TMPRSS15: variants seen among roughly 807,000 people sequenced by gnomAD.
TMPRSS15 encodes enteropeptidase.
In TMPRSS15, 128 loss-of-function variants were observed where a neutral mutation model predicts 125.3. That is an observed-to-expected ratio of 1.02 (90% CI 0.89 to 1.18). TMPRSS15 has a LOEUF of 1.18. TMPRSS15 is among the 50% of genes most tolerant of loss of function. The pLI, the probability that TMPRSS15 is intolerant of heterozygous loss-of-function variation, is 0.00. For synonymous variants in TMPRSS15, 446 were observed against 423.2 expected, an observed-to-expected ratio of 1.05 and a Z score of -0.66; for missense variants, 1,283 against 1,212.7, an observed-to-expected ratio of 1.06 and a Z score of -0.86.
intron 8 of TMPRSS15, among the ~76,000 whole-genome samples, chr21:18,358,456 T>A (rs1295417024): frequency 6.6e-6 from 1 of 151,956 alleles, no homozygotes; most frequent in Admixed American, 6.6e-5. Context: ...TATGTAAATA[T>A]TTATGTTGAT....
intron 18 of TMPRSS15, among the ~76,000 whole-genome samples, chr21:18,302,838 T>G (rs183641526): frequency 6.6e-6 from 1 of 152,272 alleles, no homozygotes; most frequent in East Asian, 1.9e-4. Context: ...ATGGGCAACA[T>G]CTTGGAAACC....
chr21:18,470,918 C>T (rs560998203), intron 1 of TMPRSS15, among the ~76,000 whole-genome samples: 4 of 151,780 alleles, frequency 2.6e-5, no homozygotes, highest in Non-Finnish European at 2.9e-5. Context: ...TCTGGGGAAC[C>T]GATTTTTGTA....
intron 1 of TMPRSS15, among the ~76,000 whole-genome samples, chr21:18,435,088 T>TA (rs2076225010): frequency 6.6e-6 from 1 of 152,042 alleles, no homozygotes. Context: ...CAATTTTTTT[T>TA]ACAAAAGATA....
intron 21 of TMPRSS15, among the ~76,000 whole-genome samples, chr21:18,283,264 G>A (rs2074722967): frequency 6.6e-6 from 1 of 152,100 alleles, no homozygotes; most frequent in South Asian, 2.1e-4. Flanking sequence ...CACATGTTAA[G>A]TATATTTCCT....
At chr21:18,337,635 C>T (rs770101566) in intron 13 of TMPRSS15, among the ~76,000 whole-genome samples, 1 of 152,148 alleles carries the variant, frequency 6.6e-6, no homozygotes, top group Non-Finnish European at 1.5e-5. Flanking sequence ...TACATTTCCT[C>T]AGACTAGGCA....
chr21:18,358,703 T>A (rs1365699382), intron 8 of TMPRSS15, among the ~76,000 whole-genome samples: 2 of 152,048 alleles, frequency 1.3e-5, no homozygotes, highest in Non-Finnish European at 2.9e-5. Flanking sequence ...ATTTAATATA[T>A]TATACCTCAT....
intron 21 of TMPRSS15, among the ~76,000 whole-genome samples, chr21:18,282,094 C>T (rs1293156426): frequency 3.7e-5 from 4 of 107,248 alleles, no homozygotes; most frequent in African/African-American, 8.2e-5. Flanking sequence ...CAAGACTCCG[C>T]CTCAAAAAAA....
chr21:18,372,128 G>GTGTGTGTGTC (rs1281529334), intron 6 of TMPRSS15, 65 bp downstream of exon 6: 28 of 1,367,364 alleles, frequency 2.0e-5, no homozygotes, highest in Non-Finnish European at 2.4e-5. Context: ...GTGTGTGTGT[G>GTGTGTGTGTC]TGTGTGTGTG....
intron 1 of TMPRSS15, among the ~76,000 whole-genome samples, chr21:18,462,721 T>C (rs1428643394): frequency 1.3e-5 from 2 of 151,926 alleles, no homozygotes; most frequent in African/African-American, 4.8e-5. Context: ...CTAAAGAGTT[T>C]GGTTTGTAGA....
chr21:18,334,206 T>A (rs945311608), intron 13 of TMPRSS15, among the ~76,000 whole-genome samples: 2 of 152,168 alleles, frequency 1.3e-5, no homozygotes, highest in Middle Eastern at 3.2e-3. Flanking sequence ...TGCTTAGATT[T>A]GGGTTTCATG....
chr21:18,321,460 C>T (rs957721357), intron 16 of TMPRSS15, among the ~76,000 whole-genome samples: 2 of 144,656 alleles, frequency 1.4e-5, no homozygotes, highest in East Asian at 2.1e-4. Context: ...TCACGCCATT[C>T]TCCTGCCTCA....
At chr21:18,372,103 T>C (rs1378512796) in intron 6 of TMPRSS15, 90 bp downstream of exon 6, 1 of 923,968 alleles carries the variant, frequency 1.1e-6, no homozygotes, top group East Asian at 2.8e-5. Context: ...TTAGAATGTG[T>C]GTGTGTGTGT....
chr21:18,451,000 A>T lies in TMPRSS15; in HGVS notation c.10+34799T>A, dbSNP rs1312810405. 3.7e-5 allele frequency among the ~76,000 whole-genome samples: 5 copies of T among 135,048 alleles called. No individual in the cohort carries two copies. In the East Asian group the frequency reaches 9.6e-4, roughly 26 times the overall value. The allele number at this position is 135,048 out of a possible 152,430, so 88.6% of individuals were successfully genotyped here. A position where few individuals can be genotyped will look rare whatever the true frequency, so the allele number is the denominator to read the frequency against. ...TTATTCTTATCCTACCCATTTTAAG[A>T]TAATCCACAATTAATCACTGGCCAA... On this transcript the variant is annotated intron_variant, in intron 1 of 7. Coordinates refer to the TMPRSS15 transcript ENST00000422787.
Position 18,395,405 on chromosome 21 carries a change from T to A in TMPRSS15, c.344+2474A>T, listed in dbSNP as rs1229005053. On this transcript the variant is annotated intron_variant, in intron 3 of 24. Transcript: ENST00000284885. ...CACACATTAATAATTCACGACAGAC[T>A]GATAATCTAAAACTTCACAAACCCC... Among the ~76,000 whole-genome samples the A allele has an allele frequency of 2.0e-5, 3 of 152,200 alleles. No homozygotes were observed. The East Asian group carries it at 5.8e-4, about 29-fold the overall frequency.
At chr21:18,323,349 GA>G (rs2075258373) in intron 16 of TMPRSS15, among the ~76,000 whole-genome samples, 2 of 152,168 alleles carry the variant, frequency 1.3e-5, no homozygotes, top group Non-Finnish European at 2.9e-5. Flanking sequence ...GCAGGCAAAA[GA>G]GGAGAAAGGC....
intron 10 of TMPRSS15, among the ~76,000 whole-genome samples, chr21:18,351,653 C>G (rs918915652): frequency 8.5e-5 from 13 of 152,158 alleles, no homozygotes; most frequent in African/African-American, 3.1e-4. Flanking sequence ...CCATGCAGAA[C>G]TATGAGTCAA....
At chr21:18,355,434 G>GA (rs1483247535) in intron 8 of TMPRSS15, among the ~76,000 whole-genome samples, 1 of 151,822 alleles carries the variant, frequency 6.6e-6, no homozygotes, top group East Asian at 1.9e-4. Context: ...AGAGATACAT[G>GA]AAAATCTCCT....
intron 1 of TMPRSS15, among the ~76,000 whole-genome samples, chr21:18,434,052 C>T (rs907210854): frequency 3.9e-5 from 6 of 152,100 alleles, no homozygotes; most frequent in Admixed American, 6.6e-5. Flanking sequence ...TACTGCTCTG[C>T]GGTGCAAGAT....
At chr21:18,365,653 T>TCCTCCCTTCCTC (rs1488294129) in intron 6 of TMPRSS15, among the ~76,000 whole-genome samples, 1 of 107,956 alleles carries the variant, frequency 9.3e-6, no homozygotes, top group Admixed American at 9.2e-5. Flanking sequence ...TTTCCTCCCT[T>TCCTCCCTTCCTC]CCTTCCTTCC....
Sources: allele counts gnomAD v4.1 joint callset (sites outside exome capture counted in the v4.1 genomes callset), GRCh38; gene constraint gnomAD v4.1.1; transcripts MANE v1.5; gene names NCBI Gene and HGNC (gene_info 2026-07-23, HGNC 2026-07-21).